The following SLC35A3 variants were observed in gnomAD, a reference collection of about 807,000 sequenced individuals.
SLC35A3 encodes the protein UDP-N-acetylglucosamine transporter.
A neutral mutation model predicts 39.0 loss-of-function variants in SLC35A3; 26 were observed. The ratio of observed to expected loss-of-function variants is 0.67; its 90% CI spans 0.49 to 0.92. The LOEUF (loss-of-function observed/expected upper bound fraction) is 0.92, where lower values mean the gene tolerates loss of function less well. Ranked by LOEUF, SLC35A3 falls within the 40% of genes least tolerant of loss-of-function variation. SLC35A3 has a pLI of 0.00. For missense variants in SLC35A3, 299 were observed against 371.6 expected (o/e 0.80, Z 1.61); for synonymous variants, 135 against 133.1 (o/e 1.01, Z -0.10).
chr1:100,028,021 C>T lies in SLC35A3; in HGVS notation c.*5545C>T, dbSNP rs1422112274. The stretch of plus-strand genomic sequence containing the variant: ...CTGCAGTGGTGTGACCTCACTGCAA[C>T]CTCTGCCTCCCAGGTTCAAGCAATT... On this transcript the variant is annotated 3_prime_UTR_variant, in exon 8 of 8. Transcript: ENST00000533028. 7.1e-6 allele frequency: 1 copy of T among 141,496 alleles called. No individual in the cohort carries two copies. The highest frequency in any genetic ancestry group is 1.5e-5 in the Non-Finnish European group (1 of 66,712). The allele number at this position is 141,496 out of a possible 1,614,324, so 8.8% of individuals were successfully genotyped here. A position where few individuals can be genotyped will look rare whatever the true frequency, so the allele number is the denominator to read the frequency against.
chr1:100,016,860 T>A (rs1660175308), intron 6 of SLC35A3, among the ~76,000 whole-genome samples: 1 of 152,122 alleles, frequency 6.6e-6, no homozygotes, highest in South Asian at 2.1e-4. Flanking sequence ...TGAGAAAAAT[T>A]AAAAATGTTT....
At chr1:99,971,984 G>A (rs144472409) in intron 1 of SLC35A3, among the ~76,000 whole-genome samples, 438 of 151,842 alleles carry the variant, frequency 2.9e-3, no homozygotes, top group African/African-American at 0.01. Flanking sequence ...TGCAACCTCC[G>A]TCTCCCGGGT....
At chr1:99,970,759 A>G (rs756911668) in intron 1 of SLC35A3, 1 of 672,578 alleles carries the variant, frequency 1.5e-6, no homozygotes, top group Non-Finnish European at 2.4e-6. Context: ...GTTCTCTTAA[A>G]TGCAGTATTT....
chr1:99,995,148 CTTTCTTTCTTTCTTTTTTTT>C (rs1658323026), intron 2 of SLC35A3, among the ~76,000 whole-genome samples: 1 of 111,352 alleles, frequency 9.0e-6, no homozygotes, highest in East Asian at 2.7e-4. Flanking sequence ...TTCTTTCTTT[CTTTCTTTCTTTCTTTTTTTT>C]TCGAGACTGA....
At chr1:100,006,440 C>T (rs904325727) in intron 3 of SLC35A3, among the ~76,000 whole-genome samples, 1 of 152,150 alleles carries the variant, frequency 6.6e-6, no homozygotes, top group Non-Finnish European at 1.5e-5. Context: ...ATCTTGGTTC[C>T]CCAAGCAGTG....
chr1:99,970,371 C>T (rs1656728918), intron 1 of SLC35A3: 1 of 596,064 alleles, frequency 1.7e-6, no homozygotes, highest in Admixed American at 3.0e-5. Flanking sequence ...GTTGTAACTC[C>T]GACGGACGAC....
At chr1:100,015,627 G>A (rs1435998088) in intron 6 of SLC35A3, 6 of 470,160 alleles carry the variant, frequency 1.3e-5, no homozygotes, top group Non-Finnish European at 2.1e-5. Flanking sequence ...AATGAACTTT[G>A]TGGTTTTAAA....
chr1:99,999,321 A>C lies in SLC35A3; in HGVS notation c.248A>C (p.Glu83Ala). 1 of 1,598,554 alleles carries C rather than the reference A, an allele frequency of 6.3e-7. No homozygotes were observed. Among genetic ancestry groups the C allele is most frequent in the Admixed American group, 1.7e-5 (1 of 57,814 alleles). Residue 83 changes from glutamate (E) to alanine (A), a missense_variant, in exon 3 of 8, where the codon GAA becomes GCA. By Grantham distance (107) the Glu-to-Ala change is moderately radical. Coordinates refer to ENST00000533028, the MANE Select transcript of SLC35A3 (RefSeq NM_012243.3). ...GATGAAATTCTTAATAAACCTATGGAAACACTTAAACTTGCTATTCCATCA... is the reference window on the plus strand; with the variant it reads ...GATGAAATTCTTAATAAACCTATGGCAACACTTAAACTTGCTATTCCATCA... Reference protein sequence around the residue: ...LHDEILNKPMETLKLAIPSGI... With the variant: ...LHDEILNKPMATLKLAIPSGI...
intron 7 of SLC35A3, 86 bp from the exon 8 acceptor site, chr1:100,022,300 A>T (rs1660603757): frequency 1.5e-6 from 1 of 678,188 alleles, no homozygotes; most frequent in Non-Finnish European, 2.5e-6. Flanking sequence ...CCACATTATA[A>T]TTGTTTTTAT....
rs1334132792 is a variant in SLC35A3, at chr1:100,029,948, T to C, written c.*7472T>C. On this transcript the variant is annotated 3_prime_UTR_variant, in exon 8 of 8. Transcript: ENST00000533028. ...TTATAAATGCTGGACTATTTTAAAC[T>C]ACAAATTTAAAACATGGTTTATAAA... The C allele has an allele frequency of 2.0e-5, 3 of 152,204 alleles. No homozygotes were observed. The highest frequency in any genetic ancestry group is 7.2e-5 in the African/African-American group (3 of 41,448). 9.4% of individuals were successfully genotyped at this position (152,204 alleles called of 1,614,324 possible). A position where few individuals can be genotyped will look rare whatever the true frequency, so the allele number is the denominator to read the frequency against.
chr1:100,015,102 A>G (rs569193476), intron 5 of SLC35A3, among the ~76,000 whole-genome samples, 200 bp from the exon 6 acceptor site: 29 of 150,784 alleles, frequency 1.9e-4, no homozygotes, highest in South Asian at 4.2e-4. Context: ...AGGTTGCAGT[A>G]AGCCAAGATT....
chr1:100,030,304 G>A lies in SLC35A3; in HGVS notation c.*7828G>A, dbSNP rs567304400. The A allele has an allele frequency of 6.6e-6, 1 of 152,272 alleles. No homozygotes were observed. The highest frequency in any genetic ancestry group is 2.1e-4 in the South Asian group (1 of 4,830). The allele number at this position is 152,272 out of a possible 1,614,324, so 9.4% of individuals were successfully genotyped here. ...ATTTTAAAGGTAGAACTCACTGCAG[G>A]TTTAAAAGAATAATGAATATTGTTA... On this transcript the variant is annotated 3_prime_UTR_variant, in exon 8 of 8. Coordinates refer to ENST00000533028, the MANE Select transcript of SLC35A3 (RefSeq NM_012243.3).
chr1:100,034,526 GT>G lies in SLC35A3; in HGVS notation c.*12056del, dbSNP rs562393494. 443 of 152,214 alleles carry G rather than the reference GT, an allele frequency of 2.9e-3. 3 individuals are homozygous for G. The highest frequency in any genetic ancestry group is 0.01 in the African/African-American group (428 of 41,546). 9.4% of individuals were successfully genotyped at this position (152,214 alleles called of 1,614,324 possible). On this transcript the variant is annotated 3_prime_UTR_variant, in exon 8 of 8. Coordinates refer to ENST00000533028, the MANE Select transcript of SLC35A3 (RefSeq NM_012243.3). ...ATTGATTGAAAAGTTTTCATTTTCT[GT>G]TTTTTATAATAGCCTTGTATGGATT... is the stretch of plus-strand genomic sequence containing the variant.
At chr1:99,986,751 C>T (rs1657763025) in intron 1 of SLC35A3, among the ~76,000 whole-genome samples, 1 of 152,000 alleles carries the variant, frequency 6.6e-6, no homozygotes, top group South Asian at 2.1e-4. Context: ...CCATGCCCAG[C>T]TAATTTTTGT....
At chr1:100,001,219 G>A (rs1055910287) in intron 3 of SLC35A3, among the ~76,000 whole-genome samples, 1 of 151,950 alleles carries the variant, frequency 6.6e-6, no homozygotes, top group Non-Finnish European at 1.5e-5. Context: ...ATGAATTTTA[G>A]GATTGTTTTT....
In SLC35A3 at chr1:100,017,725, A is replaced by G; in HGVS notation, c.797A>G (p.Asp266Gly). ...LVIAAVIKYADNILKGFATSL... is the reference protein window; with the variant it reads ...LVIAAVIKYAGNILKGFATSL... ...ATAGCTGCTGTTATTAAGTATGCAG[A>G]TAATATTTTAAAAGGATTTGCAACC... Residue 266 changes from aspartate to glycine, a missense_variant, in exon 7 of 8, where the codon GAT (aspartate) becomes GGT (glycine). Coordinates refer to ENST00000533028, the MANE Select transcript of SLC35A3 (RefSeq NM_012243.3). 6.3e-7 allele frequency: 1 copy of G among 1,576,828 alleles called. No individual in the cohort carries two copies. The highest frequency in any genetic ancestry group is 1.9e-5 in the Admixed American group (1 of 53,022).
intron 2 of SLC35A3, among the ~76,000 whole-genome samples, chr1:99,996,023 G>A (rs1658380010): frequency 6.6e-6 from 1 of 152,226 alleles, no homozygotes; most frequent in Admixed American, 6.5e-5. Context: ...GCATTGTAGA[G>A]AGATGTGGTG....
At chr1:99,981,624 G>GT (rs1389644018) in intron 1 of SLC35A3, among the ~76,000 whole-genome samples, 2 of 151,740 alleles carry the variant, frequency 1.3e-5, no homozygotes, top group African/African-American at 4.8e-5. Context: ...GGGATTACAG[G>GT]TGTGTGCCAC....
At chr1:99,983,646 G>A (rs1245496880) in intron 1 of SLC35A3, among the ~76,000 whole-genome samples, 1 of 150,788 alleles carries the variant, frequency 6.6e-6, no homozygotes. Flanking sequence ...TTTTTTTCGA[G>A]ATGGAGTCTT....
Sources: gnomAD v4.1 joint callset for allele counts (sites outside exome capture counted in the v4.1 genomes callset) on GRCh38, gnomAD v4.1.1 for gene constraint, MANE v1.5 for transcripts, NCBI Gene and HGNC (gene_info 2026-07-23, HGNC 2026-07-21) for gene names.